VARS1: variants seen among roughly 807,000 people sequenced by gnomAD.
The protein encoded by VARS1 is valyl-tRNA synthetase 1, also known as valine--tRNA ligase.
VARS1 carries 92 observed loss-of-function variants against 161.0 expected under a neutral mutation model. The ratio of observed to expected loss-of-function variants is 0.57; its 90% confidence interval spans 0.48 to 0.68. VARS1 has a LOEUF of 0.68. Among genes scored for constraint, VARS1 ranks in the 30% least tolerant of loss-of-function variants. The probability of loss-of-function intolerance (pLI) is 0.00; values close to 1 mark genes in which losing one functional copy is unlikely to be tolerated. For synonymous variants in VARS1, 595 were observed against 682.5 expected, an observed-to-expected ratio of 0.87 and a Z score of 2.00; for missense variants, 1,338 against 1,695.9, an observed-to-expected ratio of 0.79 and a Z score of 3.71.
chr6:31,788,484 G>C (rs1380649124), intron 8 of VARS1, among the ~76,000 whole-genome samples: 1 of 147,318 alleles, frequency 6.8e-6, no homozygotes, highest in Non-Finnish European at 1.5e-5. Flanking sequence ...AACCGAGAGA[G>C]ACTCTGTCTC....
chr6:31,784,762 G>A lies in VARS1; in HGVS notation c.1348-48C>T. On this transcript the variant is annotated intron_variant, in intron 10 of 29. Coordinates refer to ENST00000375663, the MANE Select transcript of VARS1 (RefSeq NM_006295.3). The surrounding 1 kb of genome is among the most constrained non-coding windows in gnomAD (Gnocchi z 6.1). ...CAGAGAGATGGGCCTTGTGCCTGGA[G>A]GCCCAGGCAGACACCCAGGGCTCCA... The A allele has an allele frequency of 6.2e-7, 1 of 1,610,602 alleles. No homozygotes were observed.
chr6:31,782,475 G>A lies in VARS1; in HGVS notation c.1992-32C>T, dbSNP rs770119198. On this transcript the variant is annotated intron_variant, in intron 16 of 29. Coordinates refer to ENST00000375663, the MANE Select transcript of VARS1 (RefSeq NM_006295.3). The surrounding 1 kb of genome is among the most constrained non-coding windows in gnomAD (Gnocchi z 8.3). ...GTACACGTAGGTGAGAAGGCCAGGC[G>A]GTAAAACCCTGAGGAGCCCTCCATC... 2.5e-5 allele frequency: 40 copies of A among 1,612,006 alleles called. No homozygotes were observed. The highest frequency in any genetic ancestry group is 3.3e-5 in the Admixed American group (2 of 59,928).
rs1812897084 is a variant in VARS1 at position 31,778,628 on chromosome 6, G to GC, written c.3726+338dup. ...AGGCTCAAGCAATCCGCCCACCTCA[G>GC]CCCCCCGAGTAGCTGGGACCCCAAG... On this transcript the variant is annotated intron_variant, in intron 29 of 29. Coordinates refer to ENST00000375663, the MANE Select transcript of VARS1 (RefSeq NM_006295.3). This position sits in a 1 kb window ranked among gnomAD's most constrained non-coding sequence, Gnocchi z 5.1. Among the ~76,000 whole-genome samples the GC allele has an allele frequency of 6.6e-6, 1 of 152,072 alleles. No homozygotes were observed. Among genetic ancestry groups the GC allele is most frequent in the African/African-American group, 2.4e-5 (1 of 41,380 alleles).
At chr6:31,792,017 C>A in intron 6 of VARS1, 46 bp from the exon 7 acceptor site, 1 of 1,519,798 alleles carries the variant, frequency 6.6e-7, no homozygotes, top group Non-Finnish European at 8.8e-7. Flanking sequence ...TGGGAGCACT[C>A]TGGGAAGGAG....
In VARS1 at chr6:31,792,776, C is replaced by T. The variant is rs746891198; in HGVS notation, c.642G>A (p.Arg214=). The change falls in exon 4 of 30, where the codon AGG becomes AGA. Residue 214 remains arginine (R), a synonymous_variant. Transcript: ENST00000375663. ...CCTCACCTGGCTGATGAGAGAGAGG[C>T]CTGGCTCCTGAGTATAGAACCACTT... ...LGEVVLYSGA[R]PLSHQPGPEA... 3 of 1,614,062 alleles carry T rather than the reference C, an allele frequency of 1.9e-6. No homozygotes were observed. The African/African-American group carries it at 4.0e-5, about 22-fold the overall frequency.
chr6:31,789,227 T>C (rs1482149252), intron 8 of VARS1, among the ~76,000 whole-genome samples: 1 of 151,460 alleles, frequency 6.6e-6, no homozygotes, highest in African/African-American at 2.4e-5. Flanking sequence ...AAAAAATTGA[T>C]ACCCAGAACA....
chr6:31,779,566 CT>C lies in VARS1; in HGVS notation c.3289-31del, dbSNP rs779640246. The C allele has an allele frequency of 2.5e-6, 4 of 1,611,646 alleles. No individual in the cohort carries two copies. The Admixed American group carries it at 6.7e-5, about 27-fold the overall frequency. On this transcript the variant is annotated intron_variant, in intron 27 of 29. Coordinates refer to ENST00000375663, the MANE Select transcript of VARS1 (RefSeq NM_006295.3). The surrounding 1 kb of genome is among the most constrained non-coding windows in gnomAD (Gnocchi z 9.1). ...GGGGTGGAGGAGGGGGTGAGGGGGC[CT>C]GGAGGGCAGGTCAGACTCCCCTCTC... is the stretch of plus-strand genomic sequence containing the variant.
chr6:31,780,357 T>TC lies in VARS1; in HGVS notation c.2925+83dup. The stretch of plus-strand genomic sequence containing the variant: ...AACTGTCTGTCTCTGTGTCTATCTG[T>TC]CCCCCCAGCTACATGGAGGCTGCTC... On this transcript the variant is annotated intron_variant, in intron 25 of 29. Coordinates refer to ENST00000375663, the MANE Select transcript of VARS1 (RefSeq NM_006295.3). This position sits in a 1 kb window ranked among gnomAD's most constrained non-coding sequence, Gnocchi z 5.1. 1.3e-6 allele frequency: 2 copies of TC among 1,557,562 alleles called. No individual in the cohort carries two copies. Among genetic ancestry groups the TC allele is most frequent in the Non-Finnish European group, 1.7e-6 (2 of 1,151,556 alleles).
chr6:31,794,223 T>A (rs544753566), intron 2 of VARS1, among the ~76,000 whole-genome samples: 1 of 152,244 alleles, frequency 6.6e-6, no homozygotes, highest in Non-Finnish European at 1.5e-5. Context: ...CTATTGTAGA[T>A]AGGGTGATCA....
rs1813969274 is a variant in VARS1, at chr6:31,792,762, T to A, written c.656A>T (p.Gln219Leu). Reference protein sequence around the residue: ...LYSGARPLSHQPGPEAPALPK... With the variant: ...LYSGARPLSHLPGPEAPALPK... ...AACTCCTCGCCCTTCCTCACCTGGC[T>A]GATGAGAGAGAGGCCTGGCTCCTGA... Residue 219 changes from glutamine (Q) to leucine (L), a missense_variant, in exon 4 of 30, where the codon CAG (glutamine) becomes CTG (leucine). This residue lies in a region of VARS1 where 902 missense variants were observed against 1,090.3 expected (regional missense o/e 0.83). Transcript: ENST00000375663. 1 of 1,614,176 alleles carries A rather than the reference T, an allele frequency of 6.2e-7. No individual in the cohort carries two copies.
intron 6 of VARS1, 104 bp downstream of exon 6, chr6:31,792,113 T>C: frequency 6.7e-7 from 1 of 1,499,022 alleles, no homozygotes; most frequent in African/African-American, 1.4e-5. Flanking sequence ...GCAGGGGGTC[T>C]GCAATTCCTC....
rs746755292 is a variant in VARS1 at position 31,781,921 on chromosome 6, C to T, written c.2273G>A (p.Arg758His). ...DPDGRYWVSGRNEAEAREKAA... is the reference protein window; with the variant it reads ...DPDGRYWVSGHNEAEAREKAA... ...CTTCTCCCGGGCCTCCGCCTCATTGCGTCCACTCACCCAGTACCGCCCATC... is the reference window on the plus strand; with the variant it reads ...CTTCTCCCGGGCCTCCGCCTCATTGTGTCCACTCACCCAGTACCGCCCATC... Residue 758 changes from arginine to histidine, a missense_variant, in exon 19 of 30, where the codon CGC becomes CAC. By Grantham distance (29) the Arg-to-His change is conservative. Transcript: ENST00000375663. This position sits in a 1 kb window ranked among gnomAD's most constrained non-coding sequence, Gnocchi z 6.8. The T allele has an allele frequency of 1.1e-5, 18 of 1,613,016 alleles. No homozygotes were observed. The East Asian group carries it at 1.8e-4, about 16-fold the overall frequency.
Position 31,781,614 on chromosome 6 carries a change from C to A in VARS1, c.2419-8G>T. 1.9e-6 allele frequency: 3 copies of A among 1,612,952 alleles called. No homozygotes were observed. The highest frequency in any genetic ancestry group is 2.5e-6 in the Non-Finnish European group (3 of 1,179,978). ...CACACTCAGGTCTTCTGACTGAGGG[C>A]AGACCAGGGTGTGAAGGGGAGCCAA... On this transcript the variant is annotated splice_polypyrimidine_tract_variant and splice_region_variant and intron_variant, in intron 20 of 29. Transcript: ENST00000375663. This position sits in a 1 kb window ranked among gnomAD's most constrained non-coding sequence, Gnocchi z 6.8.
chr6:31,785,141 G>A lies in VARS1; in HGVS notation c.1347+105C>T. The A allele has an allele frequency of 1.5e-6, 2 of 1,377,604 alleles. No individual in the cohort carries two copies. Among genetic ancestry groups the A allele is most frequent in the African/African-American group, 1.4e-5 (1 of 70,316 alleles). The allele number at this position is 1,377,604 out of a possible 1,614,324, so 85.3% of individuals were successfully genotyped here. A position where few individuals can be genotyped will look rare whatever the true frequency, so the allele number is the denominator to read the frequency against. ...GAGCCCTCCATGGTGTTTTACATGGGCCAGCTCCTGAGAGAGGGCCACAAC... is the reference window on the plus strand; with the variant it reads ...GAGCCCTCCATGGTGTTTTACATGGACCAGCTCCTGAGAGAGGGCCACAAC... On this transcript the variant is annotated intron_variant, in intron 10 of 29. Coordinates refer to ENST00000375663, the MANE Select transcript of VARS1 (RefSeq NM_006295.3). The surrounding 1 kb of genome is among the most constrained non-coding windows in gnomAD (Gnocchi z 6.1).
chr6:31,792,652 AG>A, intron 4 of VARS1, 104 bp downstream of exon 4: 1 of 1,594,184 alleles, frequency 6.3e-7, no homozygotes, highest in Non-Finnish European at 8.5e-7. Context: ...CCTCTCCCGC[AG>A]GACCCTGCCC....
In VARS1 at chr6:31,780,398, C is replaced by T. The variant is rs770912152; in HGVS notation, c.2925+43G>A. 6 of 1,598,056 alleles carry T rather than the reference C, an allele frequency of 3.8e-6. No individual in the cohort carries two copies. Among genetic ancestry groups the T allele is most frequent in the Non-Finnish European group, 5.1e-6 (6 of 1,172,106 alleles). On this transcript the variant is annotated intron_variant, in intron 25 of 29. Transcript: ENST00000375663. This position sits in a 1 kb window ranked among gnomAD's most constrained non-coding sequence, Gnocchi z 5.1. ...GAGGCTGCTCCGGACAGGGGTACAG[C>T]CTGTGTGAGTGCTGCCAGCTTTGCT...
chr6:31,791,842 T>C lies in VARS1; in HGVS notation c.972+29A>G, dbSNP rs1195836976. ...TCCTGCCCTTCCCCACCCCACCCAC[T>C]CTGGGCCTGGGCAGCAGTGCCTACT... On this transcript the variant is annotated intron_variant, in intron 7 of 29. Coordinates refer to ENST00000375663, the MANE Select transcript of VARS1 (RefSeq NM_006295.3). This position sits in a 1 kb window ranked among gnomAD's most constrained non-coding sequence, Gnocchi z 5.0. 1.9e-6 allele frequency: 3 copies of C among 1,609,488 alleles called. No homozygotes were observed. The highest frequency in any genetic ancestry group is 2.5e-6 in the Non-Finnish European group (3 of 1,177,926).
chr6:31,784,367 C>T lies in VARS1; in HGVS notation c.1576+27G>A, dbSNP rs1813352951. The stretch of plus-strand genomic sequence containing the variant: ...TGGCCCCTTCCTGCCACTCCCAGCC[C>T]AGGATCCTGGTGCCCCTGGCTCCTA... On this transcript the variant is annotated intron_variant, in intron 12 of 29. Coordinates refer to ENST00000375663, the MANE Select transcript of VARS1 (RefSeq NM_006295.3). The surrounding 1 kb of genome is among the most constrained non-coding windows in gnomAD (Gnocchi z 6.1). 1.9e-6 allele frequency: 3 copies of T among 1,614,190 alleles called. No homozygotes were observed. The highest frequency in any genetic ancestry group is 2.5e-6 in the Non-Finnish European group (3 of 1,180,040).
intron 4 of VARS1, 43 bp downstream of exon 4, chr6:31,792,713 GC>G (rs943580374): frequency 8.1e-6 from 13 of 1,609,150 alleles, no homozygotes; most frequent in African/African-American, 1.3e-5. Context: ...TGCATGGAAG[GC>G]CCCAGGGAAG....
Sources: allele counts gnomAD v4.1 joint callset (sites outside exome capture counted in the v4.1 genomes callset), GRCh38; gene constraint gnomAD v4.1.1; regional missense constraint gnomAD v4.1.1; non-coding constraint Gnocchi (gnomAD v3.1); transcripts MANE v1.5; gene names NCBI Gene and HGNC (gene_info 2026-07-23, HGNC 2026-07-21).